CELF4: variants seen among roughly 807,000 people sequenced by gnomAD.
CELF4 encodes CUGBP Elav-like family member 4.
A neutral mutation model predicts 59.9 loss-of-function variants in CELF4; 18 were observed. The ratio of observed to expected loss-of-function variants is 0.30; its 90% CI spans 0.21 to 0.45. The LOEUF (loss-of-function observed/expected upper bound fraction) is 0.45. CELF4 is among the 20% of genes least tolerant of loss of function. The pLI is 1.00. For synonymous variants in CELF4, 261 were observed against 267.1 expected (o/e 0.98, Z 0.22); for missense variants, 456 against 689.0 (o/e 0.66, Z 3.79).
In CELF4 at chr18:37,253,669, C is replaced by T. The variant is rs2067011923; in HGVS notation, c.*44+98G>A. On this transcript the variant is annotated intron_variant, in intron 12 of 12. Transcript: ENST00000420428. This position sits in a 1 kb window ranked among gnomAD's most constrained non-coding sequence, Gnocchi z 4.5. Reference sequence around the variant, plus strand: ...TGAGCCGGGCGCAGCGGGTCCAAGGCACCAGTGAGGGTCCGGCCCACGGAG... The same window carrying T: ...TGAGCCGGGCGCAGCGGGTCCAAGGTACCAGTGAGGGTCCGGCCCACGGAG... The T allele has an allele frequency of 2.2e-6, 2 of 905,952 alleles. No homozygotes were observed. The highest frequency in any genetic ancestry group is 3.1e-6 in the Non-Finnish European group (2 of 636,916). The allele number at this position is 905,952 out of a possible 1,614,324, so 56.1% of individuals were successfully genotyped here.
chr18:37,357,038 C>T (rs981780348), intron 2 of CELF4, among the ~76,000 whole-genome samples: 6 of 152,234 alleles, frequency 3.9e-5, no homozygotes, highest in African/African-American at 9.6e-5. Context: ...TTCCACCACT[C>T]GCTTCACTGG....
chr18:37,338,794 G>GTGTGTGTGGT (rs1557282748), intron 2 of CELF4, among the ~76,000 whole-genome samples: 2 of 103,592 alleles, frequency 1.9e-5, no homozygotes, highest in South Asian at 3.5e-4. Context: ...GTGTGTGTGT[G>GTGTGTGTGGT]GTGTGTGTGA....
chr18:37,370,659 G>A (rs1167576074), intron 2 of CELF4, among the ~76,000 whole-genome samples: 2 of 152,064 alleles, frequency 1.3e-5, no homozygotes, highest in Non-Finnish European at 2.9e-5. Flanking sequence ...CTTTCCGCAG[G>A]TGGCCCTCCT....
chr18:37,493,658 G>A (rs993160736), intron 1 of CELF4, among the ~76,000 whole-genome samples: 2 of 151,946 alleles, frequency 1.3e-5, no homozygotes, highest in Non-Finnish European at 2.9e-5. Flanking sequence ...CCTGCAGGGT[G>A]GGGGTGATGG....
chr18:37,463,407 T>C (rs904021572), intron 2 of CELF4, among the ~76,000 whole-genome samples: 1 of 152,152 alleles, frequency 6.6e-6, no homozygotes, highest in Non-Finnish European at 1.5e-5. Flanking sequence ...CACAAAAAAC[T>C]CTTTAAGATC....
At chr18:37,549,417 G>A (rs2099982451) in intron 1 of CELF4, among the ~76,000 whole-genome samples, 1 of 152,190 alleles carries the variant, frequency 6.6e-6, no homozygotes, top group Admixed American at 6.5e-5. Flanking sequence ...CCTTTGGCCA[G>A]GGGCTGCCCC....
intron 1 of CELF4, among the ~76,000 whole-genome samples, chr18:37,500,109 T>C (rs992312114): frequency 3.9e-5 from 6 of 152,258 alleles, no homozygotes; most frequent in African/African-American, 1.4e-4. Flanking sequence ...AGTCAACAGA[T>C]GGAGGTGTGT....
intron 3 of CELF4, among the ~76,000 whole-genome samples, chr18:37,294,306 A>C (rs1038173724): frequency 6.6e-6 from 1 of 152,224 alleles, no homozygotes; most frequent in Non-Finnish European, 1.5e-5. Context: ...AGTTCTTGAT[A>C]AAAATGTTCA....
chr18:37,294,232 T>G (rs1205225122), intron 3 of CELF4, among the ~76,000 whole-genome samples: 1 of 152,198 alleles, frequency 6.6e-6, no homozygotes, highest in Non-Finnish European at 1.5e-5. Flanking sequence ...CATCTCATCC[T>G]CCGGACCAGT....
intron 2 of CELF4, among the ~76,000 whole-genome samples, chr18:37,481,904 C>T (rs1226691637): frequency 6.6e-6 from 1 of 152,214 alleles, no homozygotes; most frequent in Non-Finnish European, 1.5e-5. Flanking sequence ...GGGCAAACCT[C>T]GATCTCCTCC....
At chr18:37,460,143 C>T (rs76767796) in intron 2 of CELF4, among the ~76,000 whole-genome samples, 2 of 152,102 alleles carry the variant, frequency 1.3e-5, no homozygotes, top group South Asian at 2.1e-4. Flanking sequence ...CCCCAGGGCT[C>T]GCCATGTCTG....
chr18:37,321,137 T>G (rs1490590113), intron 3 of CELF4, among the ~76,000 whole-genome samples: 1 of 152,092 alleles, frequency 6.6e-6, no homozygotes, highest in East Asian at 1.9e-4. Flanking sequence ...TGCTGTCACT[T>G]GGTGACGGAG....
rs532991163 is a variant in CELF4 at position 37,506,791 on chromosome 18, G to A, written c.287-21184C>T. Among the ~76,000 whole-genome samples the A allele has an allele frequency of 7.2e-5, 11 of 152,296 alleles. No individual in the cohort carries two copies. In the South Asian group the frequency reaches 1.9e-3, roughly 26 times the overall value. ...TCCCTGGGAAATGGGGGGAAGCATC[G>A]CGCCTTGCATTTTATGGCTTTTCTA... is the stretch of plus-strand genomic sequence containing the variant. On this transcript the variant is annotated intron_variant, in intron 1 of 12. Coordinates refer to ENST00000420428, the MANE Select transcript of CELF4 (RefSeq NM_020180.4).
rs868751925 is a variant in CELF4, at chr18:37,315,450, C to T, written c.448+6353G>A. Among the ~76,000 whole-genome samples the T allele has an allele frequency of 4.6e-5, 7 of 152,144 alleles. No individual in the cohort carries two copies. In the South Asian group the frequency reaches 1.2e-3, roughly 27 times the overall value. On this transcript the variant is annotated intron_variant, in intron 3 of 12. Coordinates refer to ENST00000420428, the MANE Select transcript of CELF4 (RefSeq NM_020180.4). ...CACCTTGCTGGCTTTTCTGTCATTT[C>T]GTGTTGATGAGATAAAACCTGGTGG... is the stretch of plus-strand genomic sequence containing the variant.
At chr18:37,539,474 C>CAA (rs1351161950) in intron 1 of CELF4, among the ~76,000 whole-genome samples, 39 of 36,436 alleles carry the variant, frequency 1.1e-3, no homozygotes, top group East Asian at 9.4e-3. Context: ...CACACACAAA[C>CAA]ACACACACAC....
chr18:37,525,561 C>G (rs557718931), intron 1 of CELF4, among the ~76,000 whole-genome samples: 1 of 106,442 alleles, frequency 9.4e-6, no homozygotes, highest in South Asian at 3.3e-4. Flanking sequence ...TCACATTTCT[C>G]GGGGACAATC....
At chr18:37,274,219 G>T (rs896890537) in intron 6 of CELF4, 92 bp downstream of exon 6, 78 of 1,574,242 alleles carry the variant, frequency 5.0e-5, no homozygotes, top group Non-Finnish European at 7.7e-6. Flanking sequence ...GAGGGCAAGG[G>T]ATAGAGTAGT....
intron 1 of CELF4, among the ~76,000 whole-genome samples, chr18:37,500,777 A>G (rs969924951): frequency 6.6e-6 from 1 of 151,522 alleles, no homozygotes; most frequent in East Asian, 1.9e-4. Context: ...CTCGTGATCC[A>G]CCCGCCTCGG....
At chr18:37,408,346 C>A (rs527478698) in intron 2 of CELF4, among the ~76,000 whole-genome samples, 1 of 152,048 alleles carries the variant, frequency 6.6e-6, no homozygotes, top group South Asian at 2.1e-4. Context: ...TTAGGAAGAC[C>A]CTGAACCATA....
Sources: gnomAD v4.1 joint callset for allele counts (sites outside exome capture counted in the v4.1 genomes callset) on GRCh38, gnomAD v4.1.1 for gene constraint, Gnocchi (gnomAD v3.1) non-coding constraint, MANE v1.5 for transcripts, NCBI Gene and HGNC (gene_info 2026-07-23, HGNC 2026-07-21) for gene names.